The following LRMDA variants were observed in gnomAD, a reference collection of about 807,000 sequenced individuals.
LRMDA encodes the protein leucine rich melanocyte differentiation associated.
A neutral mutation model predicts 29.8 loss-of-function variants in LRMDA; 18 were observed. The observed-to-expected ratio is 0.60, with a 90% CI of 0.42 to 0.90. LRMDA has a LOEUF of 0.90. Among genes scored for constraint, LRMDA ranks in the 40% least tolerant of loss-of-function variants. LRMDA has a pLI of 0.00. For missense variants in LRMDA, 273 were observed against 273.9 expected (o/e 1.00, Z 0.02); for synonymous variants, 125 against 109.4 (o/e 1.14, Z -0.89).
chr10:75,610,935 G>T (rs1841022385), intron 2 of LRMDA, among the ~76,000 whole-genome samples: 1 of 152,152 alleles, frequency 6.6e-6, no homozygotes, highest in African/African-American at 2.4e-5. Context: ...TTGTTCTGGT[G>T]GAAACTTAAT....
rs1190103782 is a variant in LRMDA, at chr10:76,481,900, C to T, written c.602-75309C>T. 2.0e-5 allele frequency among the ~76,000 whole-genome samples: 3 copies of T among 151,908 alleles called. 1 individual carries two copies. The highest frequency in any genetic ancestry group is 4.4e-5 in the Non-Finnish European group (3 of 67,920). On this transcript the variant is annotated intron_variant, in intron 6 of 6. Transcript: ENST00000611255. ...CCCCAAACATTATATACCTCATTGA[C>T]TCGCAAATGTGTATTTCATGACCTC...
At chr10:76,358,550 C>T (rs1841270336) in intron 6 of LRMDA, among the ~76,000 whole-genome samples, 1 of 152,124 alleles carries the variant, frequency 6.6e-6, no homozygotes, top group Admixed American at 6.5e-5. Flanking sequence ...TCCTAGCTTC[C>T]CTGCATTCTG....
chr10:76,438,417 GC>G (rs1485822005), intron 6 of LRMDA: 3 of 152,136 alleles, frequency 2.0e-5, no homozygotes, highest in Non-Finnish European at 4.4e-5. Flanking sequence ...TTCTTTCAGA[GC>G]CTTGGAATCC....
intron 2 of LRMDA, among the ~76,000 whole-genome samples, chr10:75,692,679 A>G (rs1842186432): frequency 6.6e-6 from 1 of 151,518 alleles, no homozygotes; most frequent in Non-Finnish European, 1.5e-5. Context: ...ATAGGTTTCT[A>G]GTATGAATAG....
chr10:75,972,398 C>A (rs1273262603), intron 2 of LRMDA, among the ~76,000 whole-genome samples: 1 of 152,030 alleles, frequency 6.6e-6, no homozygotes, highest in East Asian at 1.9e-4. Context: ...TCCCCAAATC[C>A]TATCCTATTC....
intron 5 of LRMDA, among the ~76,000 whole-genome samples, chr10:76,252,344 C>T (rs1852501574): frequency 6.6e-6 from 1 of 152,068 alleles, no homozygotes; most frequent in Non-Finnish European, 1.5e-5. Flanking sequence ...TATTAGCTAA[C>T]AACAAAGAGA....
At chr10:76,149,487 C>T (rs1053197835) in intron 5 of LRMDA, among the ~76,000 whole-genome samples, 2 of 152,172 alleles carry the variant, frequency 1.3e-5, no homozygotes, top group Non-Finnish European at 2.9e-5. Context: ...ACATTTTTGT[C>T]ATTTAGTAAA....
intron 6 of LRMDA, among the ~76,000 whole-genome samples, chr10:76,428,484 C>A (rs1842154021): frequency 6.6e-6 from 1 of 151,926 alleles, no homozygotes; most frequent in Non-Finnish European, 1.5e-5. Context: ...GAGCTATAGA[C>A]CCATCATAGA....
chr10:75,909,492 T>C (rs1845810626), intron 2 of LRMDA, among the ~76,000 whole-genome samples: 1 of 152,132 alleles, frequency 6.6e-6, no homozygotes, highest in African/African-American at 2.4e-5. Context: ...AGCCCAAAGA[T>C]AGACTGTTCT....
chr10:76,217,461 G>A (rs1389576727), intron 5 of LRMDA, among the ~76,000 whole-genome samples: 1 of 152,172 alleles, frequency 6.6e-6, no homozygotes, highest in African/African-American at 2.4e-5. Context: ...ACCTGGCTGG[G>A]GGGGAATGGT....
chr10:75,767,487 G>A (rs1350217708), intron 2 of LRMDA, among the ~76,000 whole-genome samples: 1 of 152,046 alleles, frequency 6.6e-6, no homozygotes, highest in Non-Finnish European at 1.5e-5. Flanking sequence ...ACCTGCTAAT[G>A]CATCCTTGGA....
intron 2 of LRMDA, among the ~76,000 whole-genome samples, chr10:76,017,378 A>G (rs752526605): frequency 1.3e-5 from 2 of 152,242 alleles, no homozygotes; most frequent in Non-Finnish European, 2.9e-5. Flanking sequence ...GCGTGGCCCT[A>G]CTGATACCTT....
chr10:76,547,676 C>T (rs1031020777), intron 6 of LRMDA, among the ~76,000 whole-genome samples: 1 of 151,948 alleles, frequency 6.6e-6, no homozygotes, highest in Admixed American at 6.6e-5. Context: ...TCTCTCCTGT[C>T]TGAAAGATGT....
chr10:75,480,448 G>A lies in LRMDA; in HGVS notation c.131+41954G>A, dbSNP rs71473779. ...GGGAAACAGCAGTGAAAAAGCAGGC[G>A]GCATGTCTGTCCTCATAAAGCTTGT... On this transcript the variant is annotated intron_variant, in intron 2 of 6. Transcript: ENST00000611255. Among the ~76,000 whole-genome samples the A allele has an allele frequency of 9.4e-4, 108 of 114,776 alleles. No individual in the cohort carries two copies. In the Middle Eastern group the frequency reaches 0.025, roughly 27 times the overall value. 75.3% of individuals were successfully genotyped at this position (114,776 alleles called of 152,430 possible).
chr10:76,293,745 T>C lies in LRMDA; in HGVS notation c.517-30656T>C, dbSNP rs56077042. 8.8e-3 allele frequency among the ~76,000 whole-genome samples: 1,338 copies of C among 152,290 alleles called. 16 individuals are homozygous for C. Among genetic ancestry groups the C allele is most frequent in the Non-Finnish European group, 0.011 (724 of 68,020 alleles). On this transcript the variant is annotated intron_variant, in intron 5 of 6. Transcript: ENST00000611255. ...TATAAAATTCTCATGTTACCTTATC[T>C]CTTATATATAGGATTCCAGCTGGGC...
At chr10:75,645,184 T>G (rs962032030) in intron 2 of LRMDA, among the ~76,000 whole-genome samples, 1 of 152,188 alleles carries the variant, frequency 6.6e-6, no homozygotes, top group African/African-American at 2.4e-5. Flanking sequence ...AGTTTTGCCA[T>G]GTTGGCCAGG....
At position 76,515,665 on chromosome 10, in the gene LRMDA, C is replaced by T. The variant is rs139223697; in HGVS notation, c.602-41544C>T. 3.9e-5 allele frequency among the ~76,000 whole-genome samples: 6 copies of T among 152,138 alleles called. No homozygotes were observed. The East Asian group carries it at 1.2e-3, about 30-fold the overall frequency. ...GGACTACAGGCTTGTACCACCACAC[C>T]CAGCAAATTTTTGTATTTTTTGTAG... On this transcript the variant is annotated intron_variant, in intron 6 of 6. Coordinates refer to ENST00000611255, the MANE Select transcript of LRMDA (RefSeq NM_001305581.2).
At chr10:76,386,514 G>A (rs976819183) in intron 6 of LRMDA, among the ~76,000 whole-genome samples, 1 of 152,118 alleles carries the variant, frequency 6.6e-6, no homozygotes, top group Non-Finnish European at 1.5e-5. Context: ...AGGATACAAT[G>A]TAGTTTCTTT....
chr10:75,816,407 A>G (rs1376950729), intron 2 of LRMDA, among the ~76,000 whole-genome samples: 1 of 152,164 alleles, frequency 6.6e-6, no homozygotes, highest in East Asian at 1.9e-4. Context: ...GAAGACGAGC[A>G]TCCTGTGGGA....
Sources: allele counts gnomAD v4.1 joint callset (sites outside exome capture counted in the v4.1 genomes callset), GRCh38; gene constraint gnomAD v4.1.1; transcripts MANE v1.5; gene names NCBI Gene and HGNC (gene_info 2026-07-23, HGNC 2026-07-21).